The following HNRNPC variants were observed in gnomAD, a reference collection of about 807,000 sequenced individuals.
HNRNPC encodes heterogeneous nuclear ribonucleoprotein C.
A neutral mutation model predicts 33.2 loss-of-function variants in HNRNPC; 3 were observed. That is an observed-to-expected ratio of 0.09 (90% CI 0.04 to 0.23). The LOEUF is 0.23. HNRNPC is among the 10% of genes least tolerant of loss of function. HNRNPC has a pLI of 1.00. For missense variants in HNRNPC, 143 were observed against 366.7 expected (o/e 0.39, Z 4.98); for synonymous variants, 121 against 126.7 (o/e 0.96, Z 0.30).
chr14:21,256,091 AG>A (rs1315958417), intron 2 of HNRNPC, among the ~76,000 whole-genome samples: 1 of 151,124 alleles, frequency 6.6e-6, no homozygotes, highest in East Asian at 2.1e-4. Context: ...TGTAAATCAC[AG>A]AAAAATTTTT....
At chr14:21,250,124 A>C (rs780267724) in intron 2 of HNRNPC, among the ~76,000 whole-genome samples, 24 of 152,074 alleles carry the variant, frequency 1.6e-4, no homozygotes, top group Non-Finnish European at 3.4e-4. Flanking sequence ...GTGGTGGCGC[A>C]CACCTGTAGT....
chr14:21,228,136 T>C (rs1180821190), intron 5 of HNRNPC, among the ~76,000 whole-genome samples: 3 of 152,260 alleles, frequency 2.0e-5, no homozygotes, highest in Middle Eastern at 6.8e-3. Context: ...GCAGAAAGGG[T>C]TAAAGGGCAG....
intron 2 of HNRNPC, among the ~76,000 whole-genome samples, chr14:21,257,568 A>G (rs1877447438): frequency 6.6e-6 from 1 of 152,058 alleles, no homozygotes; most frequent in Non-Finnish European, 1.5e-5. Flanking sequence ...TTAGAAAAAA[A>G]AAAAAGATAG....
At position 21,211,319 on chromosome 14, in the gene HNRNPC, GAC is replaced by G. The variant is rs750174018; in HGVS notation, c.799-15_799-14del. ...TGATCAACTCCAGCTGTGAGAAACA[GAC>G]ACAAACAGGATGGAGTTAGAGGCAC... On this transcript the variant is annotated splice_polypyrimidine_tract_variant and intron_variant, in intron 8 of 8. Coordinates refer to ENST00000553300, the MANE Select transcript of HNRNPC (RefSeq NM_004500.4). The G allele has an allele frequency of 2.4e-5, 39 of 1,613,518 alleles. 1 individual carries two copies. In the Admixed American group the frequency reaches 6.3e-4, roughly 26 times the overall value.
chr14:21,236,910 G>T (rs1215838437), intron 2 of HNRNPC, among the ~76,000 whole-genome samples: 1 of 152,230 alleles, frequency 6.6e-6, no homozygotes, highest in East Asian at 1.9e-4. Context: ...GGCAGTAAAG[G>T]CAAGCCAGCA....
intron 2 of HNRNPC, among the ~76,000 whole-genome samples, chr14:21,260,841 TAGTCTCAGCTACTCGGG>T (rs1318617442): frequency 6.6e-6 from 1 of 151,620 alleles, no homozygotes; most frequent in Non-Finnish European, 1.5e-5. Flanking sequence ...TCCGTGCCTG[TAGTCTCAGCTACTCGGG>T]AGGCTGAGGC....
chr14:21,212,025 C>A (rs1891660045), intron 6 of HNRNPC, 102 bp from the exon 7 acceptor site: 1 of 885,618 alleles, frequency 1.1e-6, no homozygotes, highest in East Asian at 2.4e-5. Flanking sequence ...CAGGAGATAC[C>A]CAGGGAGAAA....
chr14:21,209,617 C>T lies in HNRNPC; in HGVS notation c.*1606G>A, dbSNP rs894539235. Reference sequence around the variant, plus strand: ...CATACTTCAGCCTCTTCATTCTTTTCTGCTTTTGTCACCTGTTACAGAAAA... The same window carrying T: ...CATACTTCAGCCTCTTCATTCTTTTTTGCTTTTGTCACCTGTTACAGAAAA... On this transcript the variant is annotated 3_prime_UTR_variant, in exon 9 of 9. Transcript: ENST00000553300. The T allele has an allele frequency of 6.6e-6, 1 of 152,170 alleles. No individual in the cohort carries two copies. The highest frequency in any genetic ancestry group is 1.5e-5 in the Non-Finnish European group (1 of 68,026). The allele number at this position is 152,170 out of a possible 1,614,324, so 9.4% of individuals were successfully genotyped here.
chr14:21,223,473 A>ATGC (rs1893071036), intron 5 of HNRNPC, among the ~76,000 whole-genome samples: 1 of 152,096 alleles, frequency 6.6e-6, no homozygotes. Flanking sequence ...GTCCAGCCAG[A>ATGC]TGCTATAGCT....
intron 5 of HNRNPC, among the ~76,000 whole-genome samples, chr14:21,220,109 T>C (rs886557055): frequency 6.6e-6 from 1 of 152,146 alleles, no homozygotes; most frequent in African/African-American, 2.4e-5. Flanking sequence ...AGTAAGACCC[T>C]CCCATTCTCT....
intron 2 of HNRNPC, among the ~76,000 whole-genome samples, chr14:21,262,005 T>C (rs574841251): frequency 6.6e-6 from 1 of 152,332 alleles, no homozygotes; most frequent in Non-Finnish European, 1.5e-5. Flanking sequence ...AAAATCTAGC[T>C]GGGTCTTGAG....
intron 5 of HNRNPC, among the ~76,000 whole-genome samples, chr14:21,229,892 G>A (rs755010677): frequency 7.9e-5 from 12 of 152,302 alleles, no homozygotes; most frequent in African/African-American, 2.4e-4. Flanking sequence ...GTTTGAACGC[G>A]ACAAGCCAAA....
At chr14:21,268,504 A>T (rs2139092438) in intron 1 of HNRNPC, 1 of 152,288 alleles carries the variant, frequency 6.6e-6, no homozygotes, top group African/African-American at 2.4e-5. Context: ...CTAGGTAAAA[A>T]CCACTCGACT....
chr14:21,241,971 T>A (rs777676229), intron 2 of HNRNPC, among the ~76,000 whole-genome samples: 1 of 152,130 alleles, frequency 6.6e-6, no homozygotes, highest in South Asian at 2.1e-4. Context: ...GGTGGGAAAA[T>A]GAATAATTCA....
At position 21,269,331 on chromosome 14, in the gene HNRNPC, G is replaced by C. The variant is rs1879562225; in HGVS notation, c.-96C>G. ...GGAGGGAGAAGAGATTCGATTCTGA[G>C]TCTCCTACTCCCGGGTTCTGCGTAG... On this transcript the variant is annotated 5_prime_UTR_variant, in exon 1 of 9. Transcript: ENST00000553300. The C allele has an allele frequency of 6.5e-6, 1 of 153,896 alleles. No individual in the cohort carries two copies. The highest frequency in any genetic ancestry group is 6.5e-5 in the Admixed American group (1 of 15,278). The allele number at this position is 153,896 out of a possible 1,614,324, so 9.5% of individuals were successfully genotyped here.
chr14:21,262,581 G>C (rs1222005051), intron 2 of HNRNPC: 1 of 152,258 alleles, frequency 6.6e-6, no homozygotes, highest in Non-Finnish European at 1.5e-5. Flanking sequence ...ATGAATCCAA[G>C]TGGACCTCAC....
At chr14:21,222,689 A>G (rs1393167986) in intron 5 of HNRNPC, among the ~76,000 whole-genome samples, 1 of 151,568 alleles carries the variant, frequency 6.6e-6, no homozygotes, top group East Asian at 1.9e-4. Context: ...TCAGGAGATC[A>G]AGACCATCCT....
rs768503362 is a variant in HNRNPC at position 21,211,561 on chromosome 14, T to C, written c.643A>G (p.Met215Val). 5 of 1,607,998 alleles carry C rather than the reference T, an allele frequency of 3.1e-6. No individual in the cohort carries two copies. The highest frequency in any genetic ancestry group is 1.7e-5 in the Admixed American group (1 of 59,354). ...EKEQSKQAVE[M>V]KNDKSEEEQS... ...TCCTCTTCTGACTTATCATTCTTCATCTCTACTGCGGATGAGAAGGACAAG... is the reference window on the plus strand; with the variant it reads ...TCCTCTTCTGACTTATCATTCTTCACCTCTACTGCGGATGAGAAGGACAAG... Residue 215 changes from methionine (M) to valine (V), a missense_variant, in exon 8 of 9, where the codon ATG (methionine) becomes GTG (valine). Met to Val is a conservative substitution (Grantham distance 21). Coordinates refer to ENST00000553300, the MANE Select transcript of HNRNPC (RefSeq NM_004500.4).
chr14:21,226,898 G>C (rs952985750), intron 5 of HNRNPC, among the ~76,000 whole-genome samples: 4 of 78,796 alleles, frequency 5.1e-5, no homozygotes, highest in South Asian at 4.6e-4. Flanking sequence ...AAAAAAAAGG[G>C]GGGGGGGGGA....
Sources: gnomAD v4.1 joint callset for allele counts (sites outside exome capture counted in the v4.1 genomes callset) on GRCh38, gnomAD v4.1.1 for gene constraint, MANE v1.5 for transcripts, NCBI Gene and HGNC (gene_info 2026-07-23, HGNC 2026-07-21) for gene names.